NEDD4L: variants seen among roughly 807,000 people sequenced by gnomAD.
NEDD4L encodes NEDD4 like E3 ubiquitin protein ligase, also known as E3 ubiquitin-protein ligase NEDD4-like.
In NEDD4L, 54 loss-of-function variants were observed where a neutral mutation model predicts 148.9. That is an observed-to-expected ratio of 0.36 (90% confidence interval 0.29 to 0.45). NEDD4L has a LOEUF of 0.45. Among genes scored for constraint, NEDD4L ranks in the 20% least tolerant of loss-of-function variants. The pLI, the probability that NEDD4L is intolerant of heterozygous loss-of-function variation, is 1.00. For synonymous variants in NEDD4L, 433 were observed against 440.7 expected, an observed-to-expected ratio of 0.98 and a Z score of 0.22; for missense variants, 856 against 1,233.8, an observed-to-expected ratio of 0.69 and a Z score of 4.59.
chr18:58,090,142 C>G (rs2083989320), intron 1 of NEDD4L, among the ~76,000 whole-genome samples: 1 of 152,128 alleles, frequency 6.6e-6, no homozygotes, highest in African/African-American at 2.4e-5. Context: ...CCAGCCCAAA[C>G]TTCCTTTTCT....
At chr18:58,269,332 G>A (rs1243982551) in intron 5 of NEDD4L, among the ~76,000 whole-genome samples, 1 of 151,998 alleles carries the variant, frequency 6.6e-6, no homozygotes, top group Non-Finnish European at 1.5e-5. Context: ...ATCTTTGCAA[G>A]GCTACTGAAT....
chr18:58,117,502 G>A (rs78229474), intron 1 of NEDD4L, among the ~76,000 whole-genome samples: 1,725 of 152,290 alleles, frequency 0.011, 32 homozygotes, highest in African/African-American at 0.04. Context: ...ATAAGCTAAT[G>A]AGACCAGAGG....
At chr18:58,226,891 C>G (rs904750621) in intron 2 of NEDD4L, among the ~76,000 whole-genome samples, 8 of 152,042 alleles carry the variant, frequency 5.3e-5, no homozygotes, top group Non-Finnish European at 8.8e-5. Flanking sequence ...TAGATCAAAT[C>G]AACCAAGCCA....
At position 58,067,932 on chromosome 18, in the gene NEDD4L, A is replaced by T. The variant is rs554366183; in HGVS notation, c.48+23224A>T. ...TGGGACTTCCAGAAGGTAAAATGGG[A>T]TTGCACTGTTTGGGAGAAGGGGTAC... On this transcript the variant is annotated intron_variant, in intron 1 of 30. Coordinates refer to ENST00000400345, the MANE Select transcript of NEDD4L (RefSeq NM_001144967.3). Among the ~76,000 whole-genome samples the T allele has an allele frequency of 1.4e-3, 220 of 152,210 alleles. 2 individuals are homozygous for T. The highest frequency in any genetic ancestry group is 2.4e-3 in the Non-Finnish European group (166 of 68,002).
intron 1 of NEDD4L, among the ~76,000 whole-genome samples, chr18:58,143,834 C>T (rs982099675): frequency 6.6e-6 from 1 of 152,318 alleles, no homozygotes; most frequent in African/African-American, 2.4e-5. Flanking sequence ...TAGGGTTTTA[C>T]AGCTACGTGC....
chr18:58,064,904 C>A (rs1482196076), intron 1 of NEDD4L, among the ~76,000 whole-genome samples: 1 of 152,096 alleles, frequency 6.6e-6, no homozygotes, highest in African/African-American at 2.4e-5. Flanking sequence ...AGTTTGAGAC[C>A]AGCCCGGGCA....
At chr18:58,308,565 A>G (rs1006960735) in intron 5 of NEDD4L, among the ~76,000 whole-genome samples, 2 of 152,230 alleles carry the variant, frequency 1.3e-5, no homozygotes, top group African/African-American at 4.8e-5. Context: ...ATCTGGGTGA[A>G]AGGGGAAGAC....
chr18:58,073,306 G>T (rs1292100528), intron 1 of NEDD4L, among the ~76,000 whole-genome samples: 2 of 151,864 alleles, frequency 1.3e-5, no homozygotes, highest in African/African-American at 4.8e-5. Flanking sequence ...CCTTGAAAAA[G>T]AACAAAGCTG....
intron 18 of NEDD4L, chr18:58,351,290 T>C (rs1387871259): frequency 2.0e-6 from 1 of 507,912 alleles, no homozygotes; most frequent in Non-Finnish European, 2.5e-6. Context: ...TTTTTTTTTG[T>C]TGTTGAATTT....
chr18:58,325,294 A>T (rs903641575), intron 9 of NEDD4L, 132 bp downstream of exon 9: 5 of 1,036,498 alleles, frequency 4.8e-6, no homozygotes, highest in Admixed American at 2.3e-5. Context: ...GTGGTACGAG[A>T]TTCCTCTCCA....
chr18:58,397,132 G>C lies in NEDD4L; in HGVS notation c.*863G>C, dbSNP rs745918520. 4 of 152,518 alleles carry C rather than the reference G, an allele frequency of 2.6e-5. No individual in the cohort carries two copies. Among genetic ancestry groups the C allele is most frequent in the Non-Finnish European group, 5.9e-5 (4 of 68,008 alleles). The allele number at this position is 152,518 out of a possible 1,614,324, so 9.4% of individuals were successfully genotyped here. A position where few individuals can be genotyped will look rare whatever the true frequency, so the allele number is the denominator to read the frequency against. On this transcript the variant is annotated 3_prime_UTR_variant, in exon 31 of 31. Transcript: ENST00000400345. The stretch of plus-strand genomic sequence containing the variant: ...GAGAAATTACTTAACCCTTCCTGGC[G>C]CTGTACAGTCATCTTTTATTCTATT...
At chr18:58,291,538 C>G (rs927616177) in intron 5 of NEDD4L, among the ~76,000 whole-genome samples, 1 of 151,962 alleles carries the variant, frequency 6.6e-6, no homozygotes, top group African/African-American at 2.4e-5. Flanking sequence ...GTTTTCTGAC[C>G]CCTGAGAATA....
chr18:58,273,384 T>A lies in NEDD4L; in HGVS notation c.297+21330T>A, dbSNP rs528810522. Among the ~76,000 whole-genome samples the A allele has an allele frequency of 1.8e-4, 28 of 152,344 alleles. No homozygotes were observed. In the South Asian group the frequency reaches 5.2e-3, roughly 28 times the overall value. ...AAAGACTAGTATGTAACATCTCCTT[T>A]GGTATTTACAGAGGATCTCTCTCTC... On this transcript the variant is annotated intron_variant, in intron 5 of 30. Coordinates refer to ENST00000400345, the MANE Select transcript of NEDD4L (RefSeq NM_001144967.3).
intron 1 of NEDD4L, among the ~76,000 whole-genome samples, chr18:58,101,541 G>A (rs1019376204): frequency 5.3e-5 from 8 of 152,148 alleles, no homozygotes; most frequent in East Asian, 1.9e-4. Context: ...GGTTCCGTCC[G>A]TGTCGAGTGT....
chr18:58,196,364 G>C (rs2040687761), intron 2 of NEDD4L, among the ~76,000 whole-genome samples: 1 of 152,068 alleles, frequency 6.6e-6, no homozygotes, highest in South Asian at 2.1e-4. Context: ...AAATACCTGG[G>C]GATGAGTCAC....
chr18:58,209,684 C>T (rs1034645633), intron 2 of NEDD4L, among the ~76,000 whole-genome samples: 10 of 147,076 alleles, frequency 6.8e-5, no homozygotes, highest in African/African-American at 2.3e-4. Context: ...AGTCTGCATC[C>T]TAAGAAATTA....
At chr18:58,355,000 G>T (rs551403787) in intron 18 of NEDD4L, among the ~76,000 whole-genome samples, 7 of 152,226 alleles carry the variant, frequency 4.6e-5, no homozygotes, top group Non-Finnish European at 8.8e-5. Context: ...CTAGTGTGCC[G>T]CAGGGGCGCA....
chr18:58,049,866 A>G (rs899786135), intron 1 of NEDD4L, among the ~76,000 whole-genome samples: 2 of 151,056 alleles, frequency 1.3e-5, no homozygotes, highest in African/African-American at 2.4e-5. Context: ...AGTCCCAGCT[A>G]CTTGGGAGGC....
rs1360257788 is a variant in NEDD4L at position 58,325,040 on chromosome 18, C to G, written c.558C>G (p.His186Gln). 6.2e-7 allele frequency: 1 copy of G among 1,613,816 alleles called. No individual in the cohort carries two copies. Among genetic ancestry groups the G allele is most frequent in the African/African-American group, 1.3e-5 (1 of 74,908 alleles). The change falls in exon 9 of 31, where the codon CAC becomes CAG. Residue 186 changes from histidine to glutamine, a missense_variant. Around this residue, in one of 4 missense-constraint regions of NEDD4L, gnomAD observed 193 missense variants for 244.2 expected, o/e 0.79. Coordinates refer to ENST00000400345, the MANE Select transcript of NEDD4L (RefSeq NM_001144967.3). ...ACTCAAATGACTCGGCTTCTCAGCA[C>G]CAAGAGGAACTTCCTCCTCCTCCTC... ...VVDSNDSASQ[H>Q]QEELPPPPLP...
Sources: gnomAD v4.1 joint callset for allele counts (sites outside exome capture counted in the v4.1 genomes callset) on GRCh38, gnomAD v4.1.1 for gene constraint, gnomAD v4.1.1 regional missense constraint, MANE v1.5 for transcripts, NCBI Gene and HGNC (gene_info 2026-07-23, HGNC 2026-07-21) for gene names.